TNIK: variants seen among roughly 807,000 people sequenced by gnomAD.
The protein encoded by TNIK is TRAF2 and NCK-interacting protein kinase.
TNIK carries 49 observed loss-of-function variants against 191.3 expected under a neutral mutation model. The observed-to-expected ratio is 0.26, with a 90% confidence interval of 0.20 to 0.32. The LOEUF is 0.32. Ranked by LOEUF, TNIK falls within the 10% of genes least tolerant of loss-of-function variation. TNIK has a pLI of 1.00. For missense variants in TNIK, 1,155 were observed against 1,702.3 expected, an observed-to-expected ratio of 0.68 and a Z score of 5.66; for synonymous variants, 594 against 600.9, an observed-to-expected ratio of 0.99 and a Z score of 0.17.
chr3:171,378,799 A>T (rs1170240164), intron 1 of TNIK, among the ~76,000 whole-genome samples: 1 of 152,212 alleles, frequency 6.6e-6, no homozygotes, highest in Non-Finnish European at 1.5e-5. Context: ...CTATATACTT[A>T]TGCAGTTATA....
intron 2 of TNIK, among the ~76,000 whole-genome samples, chr3:171,313,929 G>T (rs1754323603): frequency 6.6e-6 from 1 of 152,140 alleles, no homozygotes; most frequent in African/African-American, 2.4e-5. Flanking sequence ...ATGCTCTATA[G>T]TCGTTGCCGG....
At chr3:171,160,072 C>T (rs1461821087) in intron 11 of TNIK, among the ~76,000 whole-genome samples, 2 of 152,178 alleles carry the variant, frequency 1.3e-5, no homozygotes, top group African/African-American at 2.4e-5. Context: ...GAAAGCAGGG[C>T]GTTTGGTCCT....
chr3:171,137,550 T>TC (rs1730206173), intron 15 of TNIK, among the ~76,000 whole-genome samples: 1 of 152,216 alleles, frequency 6.6e-6, no homozygotes, highest in Admixed American at 6.5e-5. Flanking sequence ...CACCCTTTTT[T>TC]CCCTCCCATC....
intron 2 of TNIK, among the ~76,000 whole-genome samples, chr3:171,350,965 T>G (rs1292420351): frequency 6.6e-6 from 1 of 152,208 alleles, no homozygotes; most frequent in African/African-American, 2.4e-5. Context: ...ATATTCTTTT[T>G]TCTTAACCTC....
At chr3:171,099,349 G>A (rs909437181) in intron 22 of TNIK, among the ~76,000 whole-genome samples, 5 of 149,516 alleles carry the variant, frequency 3.3e-5, no homozygotes, top group Admixed American at 2.7e-4. Flanking sequence ...TCTTCCCCCT[G>A]CTTGGGATTC....
chr3:171,365,161 C>CTTTTTTTTTTTTTTTTTTTTTTTTTTT lies in TNIK; in HGVS notation c.123+4432_123+4458dup, dbSNP rs60887361. Among the ~76,000 whole-genome samples, 8 of 31,934 alleles carry CTTTTTTTTTTTTTTTTTTTTTTTTTTT rather than the reference C, an allele frequency of 2.5e-4. 2 individuals are homozygous for CTTTTTTTTTTTTTTTTTTTTTTTTTTT. Among genetic ancestry groups the CTTTTTTTTTTTTTTTTTTTTTTTTTTT allele is most frequent in the Non-Finnish European group, 5.2e-4 (8 of 15,444 alleles). 20.9% of individuals were successfully genotyped at this position (31,934 alleles called of 152,430 possible). A position where few individuals can be genotyped will look rare whatever the true frequency, so the allele number is the denominator to read the frequency against. ...AAGGACTACACAAAAGGACTACATT[C>CTTTTTTTTTTTTTTTTTTTTTTTTTTT]TTTTTTTTTTTTTTTTTTTTTTTTT... On this transcript the variant is annotated intron_variant, in intron 2 of 32. Coordinates refer to ENST00000436636, the MANE Select transcript of TNIK (RefSeq NM_015028.4).
intron 2 of TNIK, among the ~76,000 whole-genome samples, chr3:171,360,304 G>A (rs1313952005): frequency 1.3e-5 from 2 of 152,182 alleles, no homozygotes; most frequent in Non-Finnish European, 2.9e-5. Flanking sequence ...CAGGCCACAT[G>A]GGTACCTTAA....
chr3:171,194,681 G>A (rs1738476878), intron 4 of TNIK, 46 bp from the exon 5 acceptor site: 6 of 1,551,678 alleles, frequency 3.9e-6, no homozygotes, highest in African/African-American at 2.7e-5. Context: ...ATGCTTCACT[G>A]CTTCCATTAA....
chr3:171,240,108 G>T (rs1744770603), intron 2 of TNIK, among the ~76,000 whole-genome samples: 1 of 152,176 alleles, frequency 6.6e-6, no homozygotes, highest in South Asian at 2.1e-4. Flanking sequence ...TCGTCTCAAG[G>T]AGGGTGAGTT....
chr3:171,081,624 A>C (rs1190757853), intron 27 of TNIK, among the ~76,000 whole-genome samples: 3 of 150,500 alleles, frequency 2.0e-5, no homozygotes, highest in African/African-American at 7.4e-5. Flanking sequence ...AAGAAAAAAA[A>C]CTTTCAACAA....
intron 7 of TNIK, among the ~76,000 whole-genome samples, chr3:171,185,174 T>G (rs1737199736): frequency 7.5e-6 from 1 of 133,220 alleles, no homozygotes; most frequent in South Asian, 2.7e-4. Context: ...CTTTATAGAT[T>G]TCCCGTGTGT....
intron 9 of TNIK, among the ~76,000 whole-genome samples, chr3:171,173,679 C>T (rs1735617310): frequency 6.6e-6 from 1 of 152,050 alleles, no homozygotes; most frequent in Non-Finnish European, 1.5e-5. Context: ...CAGCCAAATA[C>T]ATTTGTGGAG....
chr3:171,198,382 G>A (rs1283342712), intron 4 of TNIK, among the ~76,000 whole-genome samples: 1 of 152,156 alleles, frequency 6.6e-6, no homozygotes, highest in East Asian at 1.9e-4. Context: ...GCCAGGGACT[G>A]GGTGTAGGGG....
At chr3:171,453,210 G>C (rs1463348427) in intron 1 of TNIK, among the ~76,000 whole-genome samples, 3 of 152,130 alleles carry the variant, frequency 2.0e-5, no homozygotes, top group African/African-American at 7.2e-5. Context: ...AAAATCAAAC[G>C]TTGCCTCTAA....
intron 5 of TNIK, among the ~76,000 whole-genome samples, chr3:171,191,792 CT>C (rs1173874935): frequency 2.6e-5 from 4 of 152,090 alleles, no homozygotes; most frequent in Non-Finnish European, 5.9e-5. Context: ...CTGTTTTTGG[CT>C]TCTTTGTGGT....
At chr3:171,262,896 G>C (rs1747821238) in intron 2 of TNIK, among the ~76,000 whole-genome samples, 1 of 152,172 alleles carries the variant, frequency 6.6e-6, no homozygotes, top group Non-Finnish European at 1.5e-5. Flanking sequence ...AATGAAGTAG[G>C]AGGCAAAAAT....
chr3:171,256,734 TC>T (rs1746927329), intron 2 of TNIK, among the ~76,000 whole-genome samples: 3 of 152,142 alleles, frequency 2.0e-5, no homozygotes, highest in Non-Finnish European at 4.4e-5. Flanking sequence ...ATTCTGACCA[TC>T]CCCATTCTGA....
chr3:171,359,354 C>T (rs985083359), intron 2 of TNIK, among the ~76,000 whole-genome samples: 3 of 152,170 alleles, frequency 2.0e-5, no homozygotes, highest in Non-Finnish European at 4.4e-5. Flanking sequence ...ATATGGAGTT[C>T]CTAACTCTTC....
At chr3:171,315,168 C>T (rs539497412) in intron 2 of TNIK, among the ~76,000 whole-genome samples, 2 of 152,212 alleles carry the variant, frequency 1.3e-5, no homozygotes, top group Admixed American at 1.3e-4. Context: ...AGAGTTGCCA[C>T]CATTTTAACA....
Sources: allele counts gnomAD v4.1 joint callset (sites outside exome capture counted in the v4.1 genomes callset), GRCh38; gene constraint gnomAD v4.1.1; transcripts MANE v1.5; gene names NCBI Gene and HGNC (gene_info 2026-07-23, HGNC 2026-07-21).